The following DPY19L1 variants were observed in gnomAD, a reference collection of about 807,000 sequenced individuals.
The protein encoded by DPY19L1 is protein C-mannosyl-transferase DPY19L1.
A neutral mutation model predicts 96.9 loss-of-function variants in DPY19L1; 35 were observed. That is an observed-to-expected ratio of 0.36 (90% CI 0.28 to 0.48). The LOEUF is 0.48. Ranked by LOEUF, DPY19L1 falls within the 20% of genes least tolerant of loss-of-function variation. DPY19L1 has a pLI of 0.99. For missense variants in DPY19L1, 521 were observed against 777.9 expected, an observed-to-expected ratio of 0.67 and a Z score of 3.93; for synonymous variants, 205 against 252.6, an observed-to-expected ratio of 0.81 and a Z score of 1.79.
chr7:35,037,721 C>T (rs187869379), upstream of DPY19L1: 29,869 of 742,110 alleles, frequency 0.04, 730 homozygotes, highest in Non-Finnish European at 0.046. Context: ...CCCCGCCGCC[C>T]CTCTGCGCCG....
Position 34,947,655 on chromosome 7 carries a change from A to G in DPY19L1, c.1469T>C (p.Val490Ala), listed in dbSNP as rs1290071722. Residue 490 changes from valine (V) to alanine (A), a missense_variant, in exon 15 of 22, where the codon GTA (valine) becomes GCA (alanine). Coordinates refer to ENST00000638088, the MANE Select transcript of DPY19L1 (RefSeq NM_001366673.1). ...TKTLLLPVVLVVFVAIVRKII... is the reference protein window; with the variant it reads ...TKTLLLPVVLAVFVAIVRKII... The stretch of plus-strand genomic sequence containing the variant: ...CTTTCTAACAATAGCAACAAACACT[A>G]CAAGAACAACTGGAAGCAATAATGT... 9 of 1,612,562 alleles carry G rather than the reference A, an allele frequency of 5.6e-6. No individual in the cohort carries two copies. Among genetic ancestry groups the G allele is most frequent in the Non-Finnish European group, 1.7e-6 (2 of 1,179,270 alleles).
intron 21 of DPY19L1, among the ~76,000 whole-genome samples, chr7:34,933,223 A>G (rs916177213): frequency 3.3e-5 from 5 of 152,134 alleles, no homozygotes; most frequent in African/African-American, 1.2e-4. Flanking sequence ...GCAGTTACTG[A>G]GATTTTGGTG....
intron 1 of DPY19L1, among the ~76,000 whole-genome samples, chr7:35,025,282 C>A (rs1385723188): frequency 6.6e-6 from 1 of 152,098 alleles, no homozygotes; most frequent in Admixed American, 6.5e-5. Context: ...ATTAGATGCA[C>A]AACACGTTTT....
At chr7:34,993,236 C>G (rs1289454657) in intron 6 of DPY19L1, among the ~76,000 whole-genome samples, 2 of 152,162 alleles carry the variant, frequency 1.3e-5, no homozygotes, top group Non-Finnish European at 2.9e-5. Context: ...AAACTATAGT[C>G]TCCTAAAATT....
chr7:34,961,420 G>A (rs190655767), intron 10 of DPY19L1, among the ~76,000 whole-genome samples: 1 of 152,228 alleles, frequency 6.6e-6, no homozygotes, highest in African/African-American at 2.4e-5. Flanking sequence ...CACAAACGGT[G>A]CTGGAACAAC....
At chr7:34,967,128 ATATAT>A (rs1380541281) in intron 9 of DPY19L1, among the ~76,000 whole-genome samples, 157 bp from the exon 10 acceptor site, 2 of 152,166 alleles carry the variant, frequency 1.3e-5, no homozygotes, top group African/African-American at 4.8e-5. Context: ...AATATAGTCA[ATATAT>A]TAGTATAGAA....
At chr7:34,937,941 G>T (rs189574851) in intron 21 of DPY19L1, 53 bp downstream of exon 21, 183 of 1,583,860 alleles carry the variant, frequency 1.2e-4, no homozygotes, top group Admixed American at 6.5e-4. Context: ...CCATGTGCTT[G>T]AATTAACCTT....
chr7:35,027,980 A>G (rs959604640), intron 1 of DPY19L1, among the ~76,000 whole-genome samples: 1 of 152,230 alleles, frequency 6.6e-6, no homozygotes, highest in African/African-American at 2.4e-5. Flanking sequence ...TATATTTTGC[A>G]TTAAGCAAAA....
intron 7 of DPY19L1, among the ~76,000 whole-genome samples, chr7:34,985,438 G>A (rs1785026961): frequency 6.6e-6 from 1 of 152,018 alleles, no homozygotes; most frequent in Non-Finnish European, 1.5e-5. Flanking sequence ...CTGATAAGGG[G>A]CCAATATTCA....
chr7:34,959,192 G>A lies in DPY19L1; in HGVS notation c.1093-1122C>T, dbSNP rs139408394. Among the ~76,000 whole-genome samples the A allele has an allele frequency of 5.9e-3, 893 of 152,252 alleles. 9 individuals are homozygous for A. Among genetic ancestry groups the A allele is most frequent in the African/African-American group, 0.02 (832 of 41,542 alleles). On this transcript the variant is annotated intron_variant, in intron 10 of 21. Coordinates refer to ENST00000638088, the MANE Select transcript of DPY19L1 (RefSeq NM_001366673.1). ...AACATCTCATGCCAGTTAGAATGGCGATCATTAAAAAGTCAGGAGACAAAG... is the reference window on the plus strand; with the variant it reads ...AACATCTCATGCCAGTTAGAATGGCAATCATTAAAAAGTCAGGAGACAAAG...
intron 12 of DPY19L1, 79 bp downstream of exon 12, chr7:34,955,229 T>C (rs1784352783): frequency 6.5e-6 from 10 of 1,528,926 alleles, no homozygotes; most frequent in Admixed American, 1.8e-5. Context: ...ATAGATCATT[T>C]TCTTAAAAGT....
At chr7:35,012,688 T>A (rs577154000) in intron 4 of DPY19L1, among the ~76,000 whole-genome samples, 21 of 152,114 alleles carry the variant, frequency 1.4e-4, no homozygotes, top group Admixed American at 1.3e-3. Context: ...TTTACATGTA[T>A]GTATAAAAGA....
At chr7:35,004,198 CAGCTCAGCTCCCTCCCCT>C (rs1354525556) in intron 6 of DPY19L1, among the ~76,000 whole-genome samples, 2 of 152,224 alleles carry the variant, frequency 1.3e-5, no homozygotes, top group Admixed American at 1.3e-4. Flanking sequence ...CAATACCTGG[CAGCTCAGCTCCCTCCCCT>C]AGCTCAGCTG....
intron 21 of DPY19L1, among the ~76,000 whole-genome samples, chr7:34,932,397 AT>A (rs1783772334): frequency 6.6e-6 from 1 of 152,202 alleles, no homozygotes; most frequent in Non-Finnish European, 1.5e-5. Context: ...TCAAATACAA[AT>A]GCTATTTTAC....
chr7:35,019,153 C>T (rs1785930029), intron 1 of DPY19L1, among the ~76,000 whole-genome samples: 1 of 152,020 alleles, frequency 6.6e-6, no homozygotes, highest in African/African-American at 2.4e-5. Context: ...TCTGTCCAAG[C>T]AGAAAGAACA....
Position 34,940,276 on chromosome 7 carries a change from T to G in DPY19L1, c.1741A>C (p.Ile581Leu). Residue 581 changes from isoleucine (I) to leucine (L), a missense_variant, in exon 19 of 22, where the codon ATA becomes CTA. By Grantham distance (5) the Ile-to-Leu change is conservative. Transcript: ENST00000638088. The part of the protein sequence containing the change: ...KVHPGAIVFA[I>L]LAAMSIQGSA... Reference sequence around the variant, plus strand: ...CCTTGTATTGACATTGCTGCTAATATAGCAAACACAATAGCACCAGGATGT... The same window carrying G: ...CCTTGTATTGACATTGCTGCTAATAGAGCAAACACAATAGCACCAGGATGT... The G allele has an allele frequency of 6.2e-7, 1 of 1,612,218 alleles. No individual in the cohort carries two copies. Among genetic ancestry groups the G allele is most frequent in the Non-Finnish European group, 8.5e-7 (1 of 1,179,838 alleles).
At chr7:34,972,560 A>C (rs531349103) in intron 8 of DPY19L1, among the ~76,000 whole-genome samples, 2 of 152,228 alleles carry the variant, frequency 1.3e-5, no homozygotes, top group South Asian at 2.1e-4. Flanking sequence ...CAAGAATGTG[A>C]ATGTGGAAAA....
intron 8 of DPY19L1, among the ~76,000 whole-genome samples, chr7:34,972,737 C>T (rs187846115): frequency 2.0e-5 from 3 of 152,258 alleles, no homozygotes; most frequent in East Asian, 3.9e-4. Context: ...AAGTTTTAAA[C>T]CCTATAAAAG....
chr7:34,962,572 C>G (rs1237159977), intron 10 of DPY19L1, among the ~76,000 whole-genome samples: 1 of 152,180 alleles, frequency 6.6e-6, no homozygotes. Flanking sequence ...TGGCTCACAT[C>G]TGCAATCCTA....
Sources: gnomAD v4.1 joint callset for allele counts (sites outside exome capture counted in the v4.1 genomes callset) on GRCh38, gnomAD v4.1.1 for gene constraint, MANE v1.5 for transcripts, NCBI Gene and HGNC (gene_info 2026-07-23, HGNC 2026-07-21) for gene names.